The following GABPB2 variants were observed in gnomAD, a reference collection of about 807,000 sequenced individuals.
The protein encoded by GABPB2 is GA binding protein transcription factor subunit beta 2.
A neutral mutation model predicts 39.1 loss-of-function variants in GABPB2; 23 were observed. The ratio of observed to expected loss-of-function variants is 0.59; its 90% CI spans 0.42 to 0.83. The LOEUF (loss-of-function observed/expected upper bound fraction) is 0.83, where lower values mean the gene tolerates loss of function less well. Among genes scored for constraint, GABPB2 ranks in the 40% least tolerant of loss-of-function variants. GABPB2 has a pLI of 0.00. For synonymous variants in GABPB2, 184 were observed against 199.3 expected (o/e 0.92, Z 0.65); for missense variants, 467 against 541.1 (o/e 0.86, Z 1.36).
intron 1 of GABPB2, among the ~76,000 whole-genome samples, chr1:151,085,615 A>G (rs1435165738): frequency 6.6e-6 from 1 of 151,580 alleles, no homozygotes. Flanking sequence ...TAATATATAT[A>G]TATATATTTT....
chr1:151,075,696 G>A (rs1329712017), intron 1 of GABPB2, among the ~76,000 whole-genome samples: 4 of 150,648 alleles, frequency 2.7e-5, no homozygotes, highest in East Asian at 1.9e-4. Flanking sequence ...GCAACAGAGC[G>A]AGACTTCATC....
chr1:151,103,805 G>A (rs1679729950), intron 6 of GABPB2, 130 bp downstream of exon 6: 1 of 628,102 alleles, frequency 1.6e-6, no homozygotes. Flanking sequence ...GAAAAGGGAT[G>A]TGGCATCATT....
Position 151,093,175 on chromosome 1 carries a change from A to T in GABPB2, c.277-17A>T. ...CTATAACCGCTGTTTGTTGAAAAAAATGCTTTTCTGTGACAGAATGGTGCA... is the reference window on the plus strand; with the variant it reads ...CTATAACCGCTGTTTGTTGAAAAAATTGCTTTTCTGTGACAGAATGGTGCA... On this transcript the variant is annotated splice_polypyrimidine_tract_variant and intron_variant, in intron 3 of 8. Coordinates refer to ENST00000368918, the MANE Select transcript of GABPB2 (RefSeq NM_144618.3). The T allele has an allele frequency of 1.3e-6, 2 of 1,533,802 alleles. No homozygotes were observed. Among genetic ancestry groups the T allele is most frequent in the Non-Finnish European group, 1.8e-6 (2 of 1,138,688 alleles).
At position 151,070,795 on chromosome 1, in the gene GABPB2, G is replaced by C. The variant is rs899132538; in HGVS notation, c.-140G>C. Reference sequence around the variant, plus strand: ...TTGCCTCTGTTTCTCCACGAGGGGGGGTTAAAGGCCCCCAAAACATGCACA... The same window carrying C: ...TTGCCTCTGTTTCTCCACGAGGGGGCGTTAAAGGCCCCCAAAACATGCACA... On this transcript the variant is annotated 5_prime_UTR_variant, in exon 1 of 9. Coordinates refer to ENST00000368918, the MANE Select transcript of GABPB2 (RefSeq NM_144618.3). 6.6e-6 allele frequency: 1 copy of C among 152,122 alleles called. No homozygotes were observed. Among genetic ancestry groups the C allele is most frequent in the Non-Finnish European group, 1.5e-5 (1 of 68,040 alleles). 9.4% of individuals were successfully genotyped at this position (152,122 alleles called of 1,614,324 possible).
rs762312179 is a variant in GABPB2, at chr1:151,088,277, G to A, written c.88G>A (p.Ala30Thr). ...AGTGAGAACGTTGATGGCAAATGGC[G>A]CCCCATTCACCACAGACTGGGTAAG... ...DEVRTLMANGAPFTTDWLGTS... is the reference protein window; with the variant it reads ...DEVRTLMANGTPFTTDWLGTS... The change falls in exon 2 of 9, where the codon GCC becomes ACC. Residue 30 changes from alanine (A) to threonine (T), a missense_variant. Coordinates refer to ENST00000368918, the MANE Select transcript of GABPB2 (RefSeq NM_144618.3). 2.5e-6 allele frequency: 4 copies of A among 1,613,350 alleles called. No individual in the cohort carries two copies. The highest frequency in any genetic ancestry group is 1.7e-5 in the Admixed American group (1 of 59,912).
chr1:151,093,387 G>T lies in GABPB2; in HGVS notation c.471+1G>T. On this transcript the variant is annotated splice_donor_variant, in intron 4 of 8. Coordinates refer to ENST00000368918, the MANE Select transcript of GABPB2 (RefSeq NM_144618.3). LOFTEE classifies it high-confidence loss of function. ...TGCTGAGATTTTGGTCATCCTCCAG[G>T]TGTGGTTCTTTTTATACTCTCCAGA... 6.3e-7 allele frequency: 1 copy of T among 1,579,160 alleles called. No homozygotes were observed. Among genetic ancestry groups the T allele is most frequent in the Non-Finnish European group, 8.6e-7 (1 of 1,162,912 alleles).
chr1:151,104,771 T>TTCTC (rs199509376), intron 6 of GABPB2, among the ~76,000 whole-genome samples: 27 of 107,938 alleles, frequency 2.5e-4, no homozygotes, highest in East Asian at 1.5e-3. Flanking sequence ...CTTTCTTTCT[T>TTCTC]TCTCTCTTTC....
intron 6 of GABPB2, 97 bp from the exon 7 acceptor site, chr1:151,106,940 C>G: frequency 4.2e-6 from 3 of 708,150 alleles, no homozygotes; most frequent in Non-Finnish European, 6.5e-6. Context: ...TCAAATGTTC[C>G]TCTCCCTGAA....
At chr1:151,074,948 C>A (rs587644629) in intron 1 of GABPB2, among the ~76,000 whole-genome samples, 1 of 152,170 alleles carries the variant, frequency 6.6e-6, no homozygotes, top group East Asian at 1.9e-4. Flanking sequence ...CAAGACCAGC[C>A]TGGCCAACAT....
chr1:151,112,239 A>AAC lies in GABPB2; in HGVS notation c.922+5018_922+5019insCA, dbSNP rs926806757. ...ACTCCATCTCAAAAAAAAAAAAAAA[A>AAC]AAAAAAAACCTATATCCTTCATGTA... On this transcript the variant is annotated intron_variant, in intron 7 of 8. Coordinates refer to ENST00000368918, the MANE Select transcript of GABPB2 (RefSeq NM_144618.3). 4.6e-5 allele frequency: 7 copies of AAC among 151,462 alleles called. 1 individual carries two copies. Among genetic ancestry groups the AAC allele is most frequent in the Admixed American group, 2.7e-4 (4 of 15,078 alleles). 9.4% of individuals were successfully genotyped at this position (151,462 alleles called of 1,614,324 possible). A position where few individuals can be genotyped will look rare whatever the true frequency, so the allele number is the denominator to read the frequency against.
chr1:151,093,232 C>T lies in GABPB2; in HGVS notation c.317C>T (p.Thr106Ile), dbSNP rs756457147. Reference sequence around the variant, plus strand: ...AATGCCAAGGACATGCTGAAGATGACAGCTTTGCATTGGGCCACAGAGCGC... The same window carrying T: ...AATGCCAAGGACATGCTGAAGATGATAGCTTTGCATTGGGCCACAGAGCGC... ...DVNAKDMLKMTALHWATERHH... is the reference protein window; with the variant it reads ...DVNAKDMLKMIALHWATERHH... The change falls in exon 4 of 9, where the codon ACA becomes ATA. Residue 106 changes from threonine (T) to isoleucine (I), a missense_variant. Thr to Ile is a moderately conservative substitution (Grantham distance 89, BLOSUM62 -1). Transcript: ENST00000368918. The T allele has an allele frequency of 1.9e-6, 3 of 1,605,528 alleles. No homozygotes were observed. In the Admixed American group the frequency reaches 5.2e-5, roughly 28 times the overall value.
chr1:151,082,076 CTTTTTTTTT>C (rs1215494134), intron 1 of GABPB2, among the ~76,000 whole-genome samples: 1 of 131,608 alleles, frequency 7.6e-6, no homozygotes, highest in Non-Finnish European at 1.6e-5. Context: ...ATTTCTTTTT[CTTTTTTTTT>C]TTTTTTTTTG....
chr1:151,078,670 C>T lies in GABPB2; in HGVS notation c.-1+7736C>T, dbSNP rs1490292282. On this transcript the variant is annotated intron_variant, in intron 1 of 8. Transcript: ENST00000368918. The stretch of plus-strand genomic sequence containing the variant: ...TTTGTTTGTTTGTTTGAGACAGTCT[C>T]GCTCTGTTACCCAGGCTGGAGGGCA... Among the ~76,000 whole-genome samples, 13 of 152,114 alleles carry T rather than the reference C, an allele frequency of 8.5e-5. No individual in the cohort carries two copies. In the East Asian group the frequency reaches 2.5e-3, roughly 29 times the overall value.
At position 151,090,571 on chromosome 1, in the gene GABPB2, C is replaced by A; in HGVS notation, c.274C>A (p.Arg92=). 1 of 1,613,208 alleles carries A rather than the reference C, an allele frequency of 6.2e-7. No individual in the cohort carries two copies. The highest frequency in any genetic ancestry group is 8.5e-7 in the Non-Finnish European group (1 of 1,179,558). ...GHAHIVELLV[R]NGADVNAKDM... ...TGCGCACATCGTGGAACTGCTTGTTCGGGTAAAGCAAGAATAGGGGCAAGG... is the reference window on the plus strand; with the variant it reads ...TGCGCACATCGTGGAACTGCTTGTTAGGGTAAAGCAAGAATAGGGGCAAGG... Residue 92 remains arginine, a splice_region_variant and synonymous_variant, in exon 3 of 9, where the codon CGG becomes AGG. Coordinates refer to ENST00000368918, the MANE Select transcript of GABPB2 (RefSeq NM_144618.3).
In GABPB2 at chr1:151,115,402, CTTTTTTTT is replaced by C. The variant is rs111270273; in HGVS notation, c.923-1981_923-1974del. Among the ~76,000 whole-genome samples, 8 of 132,922 alleles carry C rather than the reference CTTTTTTTT, an allele frequency of 6.0e-5. No individual in the cohort carries two copies. In the South Asian group the frequency reaches 1.2e-3, roughly 20 times the overall value. 87.2% of individuals were successfully genotyped at this position (132,922 alleles called of 152,430 possible). A position where few individuals can be genotyped will look rare whatever the true frequency, so the allele number is the denominator to read the frequency against. On this transcript the variant is annotated intron_variant, in intron 7 of 8. Coordinates refer to ENST00000368918, the MANE Select transcript of GABPB2 (RefSeq NM_144618.3). ...AAGAAAGAAACTGGCAAACTATTTT[CTTTTTTTT>C]TTTTTTTTCAAATGGAGTCTCACTC...
intron 1 of GABPB2, among the ~76,000 whole-genome samples, chr1:151,072,233 A>G (rs587716363): frequency 6.6e-6 from 1 of 152,200 alleles, no homozygotes. Flanking sequence ...CACTTCATGA[A>G]TTATTAAAAC....
At position 151,074,459 on chromosome 1, in the gene GABPB2, C is replaced by T. The variant is rs928554082; in HGVS notation, c.-1+3525C>T. 3.3e-5 allele frequency among the ~76,000 whole-genome samples: 5 copies of T among 149,328 alleles called. 1 individual carries two copies. Among genetic ancestry groups the T allele is most frequent in the Non-Finnish European group, 7.4e-5 (5 of 67,626 alleles). On this transcript the variant is annotated intron_variant, in intron 1 of 8. Transcript: ENST00000368918. ...TCGAATAGCTGGGACTGCAGGCCCC[C>T]GCCACCATGCCCAGCTAATTTTTTT... is the stretch of plus-strand genomic sequence containing the variant.
intron 1 of GABPB2, among the ~76,000 whole-genome samples, chr1:151,080,215 CAAAAAAAAAAAAAAA>C (rs57351502): frequency 3.0e-4 from 9 of 30,020 alleles, no homozygotes; most frequent in Non-Finnish European, 4.0e-4. Context: ...AACTCCATCT[CAAAAAAAAAAAAAAA>C]AAAAAAAAAA....
intron 1 of GABPB2, among the ~76,000 whole-genome samples, chr1:151,082,101 G>T (rs764860280): frequency 2.8e-5 from 4 of 144,592 alleles, no homozygotes; most frequent in African/African-American, 5.1e-5. Context: ...TTTTGAGATG[G>T]AGTCTCACCC....
Sources: gnomAD v4.1 joint callset for allele counts (sites outside exome capture counted in the v4.1 genomes callset) on GRCh38, gnomAD v4.1.1 for gene constraint, MANE v1.5 for transcripts, NCBI Gene and HGNC (gene_info 2026-07-23, HGNC 2026-07-21) for gene names.